ARHGAP20: variants seen among roughly 807,000 people sequenced by gnomAD.
ARHGAP20 encodes Rho GTPase activating protein 20.
ARHGAP20 carries 34 observed loss-of-function variants against 73.7 expected under a neutral mutation model. The ratio of observed to expected loss-of-function variants is 0.46; its 90% CI spans 0.35 to 0.61. ARHGAP20 has a LOEUF of 0.61. ARHGAP20 is among the 20% of genes least tolerant of loss of function. ARHGAP20 has a pLI of 0.00. For synonymous variants in ARHGAP20, 523 were observed against 518.2 expected (o/e 1.01, Z -0.13); for missense variants, 1,314 against 1,420.9 (o/e 0.92, Z 1.21).
rs1947385266 is a variant in ARHGAP20 at position 110,579,671 on chromosome 11, T to C, written c.3275A>G (p.Asp1092Gly). 1 of 1,614,082 alleles carries C rather than the reference T, an allele frequency of 6.2e-7. No homozygotes were observed. Among genetic ancestry groups the C allele is most frequent in the African/African-American group, 1.3e-5 (1 of 74,930 alleles). ...TCCTTCAGCTGCCCTTAAGGGCAAG[T>C]CTTTTTGTTCCTCTTGCAGTGAGTT... ...EANSLQEEQK[D>G]LPLRAAEGLS... is the part of the protein sequence containing the mutation. The change falls in exon 15 of 15, where the codon GAC becomes GGC. Residue 1092 changes from aspartate to glycine, a missense_variant. By Grantham distance (94) the Asp-to-Gly change is moderately conservative. Around this residue, in one of 3 missense-constraint regions of ARHGAP20, gnomAD observed 641 missense variants for 636.9 expected, o/e 1.01. Coordinates refer to ENST00000683387, the MANE Select transcript of ARHGAP20 (RefSeq NM_001384657.1).
chr11:110,585,130 T>C (rs908615701), intron 12 of ARHGAP20, among the ~76,000 whole-genome samples: 1 of 150,522 alleles, frequency 6.6e-6, no homozygotes, highest in Non-Finnish European at 1.5e-5. Context: ...TGAATATATG[T>C]GAATGTATAT....
chr11:110,693,307 T>TG (rs1950277730), intron 1 of ARHGAP20, among the ~76,000 whole-genome samples: 1 of 152,066 alleles, frequency 6.6e-6, no homozygotes, highest in East Asian at 1.9e-4. Flanking sequence ...AGACTTACTC[T>TG]ATCATTAATG....
At position 110,578,205 on chromosome 11, in the gene ARHGAP20, T is replaced by C. The variant is rs183874926; in HGVS notation, c.*1165A>G. On this transcript the variant is annotated 3_prime_UTR_variant, in exon 15 of 15. Coordinates refer to ENST00000683387, the MANE Select transcript of ARHGAP20 (RefSeq NM_001384657.1). ...CAATGGGGTATAAGCCATGAAACAT[T>C]TGGGGCAAAAATATGGAACAACGTC... 3.6e-5 allele frequency: 35 copies of C among 985,380 alleles called. No individual in the cohort carries two copies. The highest frequency in any genetic ancestry group is 7.0e-5 in the African/African-American group (4 of 57,358). 61.0% of individuals were successfully genotyped at this position (985,380 alleles called of 1,614,324 possible).
intron 9 of ARHGAP20, among the ~76,000 whole-genome samples, chr11:110,595,231 C>T (rs1432744403): frequency 6.6e-6 from 1 of 152,080 alleles, no homozygotes; most frequent in East Asian, 1.9e-4. Flanking sequence ...TGAAAACTGG[C>T]ACAAGACAGG....
At chr11:110,699,669 T>C (rs1950406258) in intron 1 of ARHGAP20, among the ~76,000 whole-genome samples, 1 of 151,996 alleles carries the variant, frequency 6.6e-6, no homozygotes, top group African/African-American at 2.4e-5. Flanking sequence ...GTCTTTTCTA[T>C]TGTTGGTTTA....
intron 9 of ARHGAP20, among the ~76,000 whole-genome samples, chr11:110,600,705 AGTAACAGTAACCT>A (rs1433367865): frequency 7.5e-6 from 1 of 133,982 alleles, no homozygotes; most frequent in Non-Finnish European, 1.8e-5. Flanking sequence ...AACATATAAC[AGTAACAGTAACCT>A]GTAACAGTAA....
At chr11:110,693,534 A>C (rs896647674) in intron 1 of ARHGAP20, among the ~76,000 whole-genome samples, 5 of 151,990 alleles carry the variant, frequency 3.3e-5, no homozygotes, top group African/African-American at 7.2e-5. Flanking sequence ...ATAAGTAACA[A>C]AAGGTCTTAC....
At chr11:110,690,986 T>A (rs969954453) in intron 1 of ARHGAP20, 1 of 1,525,086 alleles carries the variant, frequency 6.6e-7, no homozygotes. Flanking sequence ...TTTATTATAA[T>A]CCAAAATGTC....
intron 2 of ARHGAP20, among the ~76,000 whole-genome samples, chr11:110,657,305 C>A (rs1229494334): frequency 6.6e-6 from 1 of 151,690 alleles, no homozygotes; most frequent in East Asian, 1.9e-4. Flanking sequence ...GTTATCAGGA[C>A]AAGAGAATAA....
At chr11:110,692,536 C>G (rs140622638) in intron 1 of ARHGAP20, among the ~76,000 whole-genome samples, 78 of 152,094 alleles carry the variant, frequency 5.1e-4, no homozygotes, top group Non-Finnish European at 8.7e-4. Context: ...AGCTTTACAT[C>G]TGCTTTCTCT....
chr11:110,626,876 G>A (rs1290467677), intron 3 of ARHGAP20, among the ~76,000 whole-genome samples: 1 of 151,918 alleles, frequency 6.6e-6, no homozygotes, highest in African/African-American at 2.4e-5. Flanking sequence ...TTCCAATAAA[G>A]CTTTATATTA....
At chr11:110,591,900 G>A in intron 10 of ARHGAP20, 77 bp downstream of exon 10, 1 of 1,448,004 alleles carries the variant, frequency 6.9e-7, no homozygotes, top group Non-Finnish European at 9.4e-7. Context: ...TTTCCATTTG[G>A]GGACAGATTT....
At chr11:110,582,617 G>A (rs950792815) in intron 13 of ARHGAP20, among the ~76,000 whole-genome samples, 182 bp from the exon 14 acceptor site, 2 of 152,170 alleles carry the variant, frequency 1.3e-5, no homozygotes, top group African/African-American at 2.4e-5. Flanking sequence ...AGTAGTTTGG[G>A]CATAGAAATG....
At chr11:110,666,600 T>A (rs1184070659) in intron 2 of ARHGAP20, among the ~76,000 whole-genome samples, 1 of 152,220 alleles carries the variant, frequency 6.6e-6, no homozygotes, top group African/African-American at 2.4e-5. Flanking sequence ...GATATTACAT[T>A]TTTTACAAAT....
intron 1 of ARHGAP20, among the ~76,000 whole-genome samples, chr11:110,700,986 T>C (rs1950437600): frequency 6.6e-6 from 1 of 151,096 alleles, no homozygotes; most frequent in Non-Finnish European, 1.5e-5. Context: ...ATCCAGTCTA[T>C]CATTGTTGGA....
chr11:110,677,246 C>CA (rs2135083701), intron 2 of ARHGAP20, among the ~76,000 whole-genome samples: 1 of 152,268 alleles, frequency 6.6e-6, no homozygotes, highest in Admixed American at 6.5e-5. Flanking sequence ...AATAAAAACT[C>CA]AAACAACCCA....
At chr11:110,602,222 CT>C (rs35937574) in intron 9 of ARHGAP20, among the ~76,000 whole-genome samples, 11 of 149,938 alleles carry the variant, frequency 7.3e-5, no homozygotes, top group African/African-American at 1.2e-4. Flanking sequence ...ACCACAACAT[CT>C]TTTTTTTTTA....
chr11:110,703,836 C>T (rs1414133830), intron 1 of ARHGAP20, among the ~76,000 whole-genome samples: 4 of 152,194 alleles, frequency 2.6e-5, no homozygotes, highest in African/African-American at 9.6e-5. Flanking sequence ...ATGTTCTCTG[C>T]CTAATAGTTT....
In ARHGAP20 at chr11:110,578,868, A is replaced by T; in HGVS notation, c.*502T>A. The T allele has an allele frequency of 1.0e-6, 1 of 985,816 alleles. No individual in the cohort carries two copies. Among genetic ancestry groups the T allele is most frequent in the Non-Finnish European group, 1.2e-6 (1 of 830,074 alleles). 61.1% of individuals were successfully genotyped at this position (985,816 alleles called of 1,614,324 possible). A position where few individuals can be genotyped will look rare whatever the true frequency, so the allele number is the denominator to read the frequency against. On this transcript the variant is annotated 3_prime_UTR_variant, in exon 15 of 15. Transcript: ENST00000683387. ...AATGGCCACTGGCTTAGATTTAGGGAAAGATTTTATATGATGTTCTTCATT... is the reference window on the plus strand; with the variant it reads ...AATGGCCACTGGCTTAGATTTAGGGTAAGATTTTATATGATGTTCTTCATT...
Sources: gnomAD v4.1 joint callset for allele counts (sites outside exome capture counted in the v4.1 genomes callset) on GRCh38, gnomAD v4.1.1 for gene constraint, gnomAD v4.1.1 regional missense constraint, MANE v1.5 for transcripts, NCBI Gene and HGNC (gene_info 2026-07-23, HGNC 2026-07-21) for gene names.